CLEC17A: variants seen among roughly 807,000 people sequenced by gnomAD.
The protein encoded by CLEC17A is C-type lectin domain containing 17A, also known as C-type lectin domain family 17, member A.
Under a neutral mutation model 61.3 loss-of-function variants are expected in CLEC17A, and 37 were observed. That is an observed-to-expected ratio of 0.60 (90% CI 0.46 to 0.79). The LOEUF (loss-of-function observed/expected upper bound fraction) is 0.79. Ranked by LOEUF, CLEC17A falls within the 30% of genes least tolerant of loss-of-function variation. The pLI is 0.00. For synonymous variants in CLEC17A, 168 were observed against 164.9 expected (o/e 1.02, Z -0.14); for missense variants, 418 against 464.7 (o/e 0.90, Z 0.92).
chr19:14,582,274 G>A (rs2074191240), upstream of CLEC17A, among the ~76,000 whole-genome samples: 1 of 149,284 alleles, frequency 6.7e-6, no homozygotes, highest in African/African-American at 2.5e-5. Flanking sequence ...GTGCAGTGGT[G>A]CGATCTCGGC....
In CLEC17A at chr19:14,583,345, T is replaced by C. The variant is rs1214501089; in HGVS notation, c.44-12T>C. On this transcript the variant is annotated splice_polypyrimidine_tract_variant and intron_variant, in intron 1 of 13. Coordinates refer to ENST00000417570, the MANE Select transcript of CLEC17A (RefSeq NM_001204118.2). ...GGAATGGCTGGGCTCTGACTTGCCT[T>C]TCCCCTGGAAGGGACCATGGAGGAG... is the stretch of plus-strand genomic sequence containing the variant. 4.4e-6 allele frequency: 7 copies of C among 1,608,562 alleles called. No individual in the cohort carries two copies. The highest frequency in any genetic ancestry group is 5.9e-6 in the Non-Finnish European group (7 of 1,177,682).
intron 3 of CLEC17A, among the ~76,000 whole-genome samples, chr19:14,591,898 A>ATGTATGTGTGTGTGTG (rs2074427513): frequency 7.2e-6 from 1 of 138,948 alleles, no homozygotes; most frequent in Admixed American, 7.1e-5. Flanking sequence ...CCGGAGAAAA[A>ATGTATGTGTGTGTGTG]TGTGTGTGTG....
At chr19:14,589,481 C>A (rs1041076319) in intron 3 of CLEC17A, among the ~76,000 whole-genome samples, 1 of 143,858 alleles carries the variant, frequency 7.0e-6, no homozygotes, top group Non-Finnish European at 1.5e-5. Flanking sequence ...CCCAGGCTGC[C>A]CTGAAGTGGT....
rs1442652538 is a variant in CLEC17A, at chr19:14,596,949, G to C, written c.519G>C (p.Leu173=). The C allele has an allele frequency of 6.2e-7, 1 of 1,608,302 alleles. No homozygotes were observed. Among genetic ancestry groups the C allele is most frequent in the African/African-American group, 1.3e-5 (1 of 74,910 alleles). The part of the protein sequence containing the change: ...GCCQKRWMVY[L]CLLVVTSLFL... ...GCCAGAAGAGGTGGATGGTGTACCTGTGTCTGCTGGTGGTGACTTCCCTGT... is the reference window on the plus strand; with the variant it reads ...GCCAGAAGAGGTGGATGGTGTACCTCTGTCTGCTGGTGGTGACTTCCCTGT... The change falls in exon 9 of 14, where the codon CTG becomes CTC. Residue 173 remains leucine (L), a synonymous_variant. Transcript: ENST00000417570.
chr19:14,584,649 G>A (rs891551418), intron 2 of CLEC17A, among the ~76,000 whole-genome samples: 1 of 151,962 alleles, frequency 6.6e-6, no homozygotes, highest in African/African-American at 2.4e-5. Flanking sequence ...GAGGTAGGAG[G>A]TGACCTGTGC....
chr19:14,590,162 G>A (rs956349978), intron 3 of CLEC17A, among the ~76,000 whole-genome samples: 5 of 147,052 alleles, frequency 3.4e-5, no homozygotes, highest in Admixed American at 6.9e-5. Flanking sequence ...TGCAGCCATA[G>A]ATAACTGACC....
At chr19:14,605,848 C>T (rs992954724) in intron 12 of CLEC17A, among the ~76,000 whole-genome samples, 1 of 152,100 alleles carries the variant, frequency 6.6e-6, no homozygotes, top group Non-Finnish European at 1.5e-5. Context: ...AAGGGATCCT[C>T]CCACCTCAGC....
chr19:14,609,794 C>T (rs1450680109), intron 13 of CLEC17A, among the ~76,000 whole-genome samples: 10 of 151,638 alleles, frequency 6.6e-5, no homozygotes, highest in East Asian at 1.9e-4. Context: ...GCCGAGATCA[C>T]GCCACTGCAC....
At chr19:14,605,070 C>T (rs944051245) in intron 12 of CLEC17A, among the ~76,000 whole-genome samples, 1 of 151,966 alleles carries the variant, frequency 6.6e-6, no homozygotes, top group African/African-American at 2.4e-5. Context: ...TGGTGGCTCA[C>T]GCCTGTAATC....
intron 3 of CLEC17A, among the ~76,000 whole-genome samples, chr19:14,589,734 T>A (rs980582721): frequency 6.6e-6 from 1 of 151,952 alleles, no homozygotes; most frequent in Admixed American, 6.6e-5. Flanking sequence ...CGTGCCCTTG[T>A]GTAGTCTCTT....
At chr19:14,597,262 C>A in intron 10 of CLEC17A, 101 bp downstream of exon 10, 3 of 1,077,776 alleles carry the variant, frequency 2.8e-6, no homozygotes, top group Non-Finnish European at 4.2e-6. Flanking sequence ...CTTTGCTGGG[C>A]ACTGTGCTAG....
At chr19:14,594,209 G>A (rs756892328) in intron 4 of CLEC17A, among the ~76,000 whole-genome samples, 4 of 151,854 alleles carry the variant, frequency 2.6e-5, no homozygotes, top group Non-Finnish European at 5.9e-5. Context: ...CCCAGGGGGC[G>A]GAGGTTTCAG....
At chr19:14,590,443 C>T (rs1238278152) in intron 3 of CLEC17A, among the ~76,000 whole-genome samples, 1 of 149,168 alleles carries the variant, frequency 6.7e-6, no homozygotes, top group African/African-American at 2.5e-5. Context: ...GGCCGGAGTG[C>T]AATGGTGCAA....
chr19:14,594,133 G>A (rs1436339543), intron 4 of CLEC17A, among the ~76,000 whole-genome samples: 3 of 151,542 alleles, frequency 2.0e-5, no homozygotes, highest in African/African-American at 7.3e-5. Flanking sequence ...AAATATAAAA[G>A]TTAGCTGGGC....
At chr19:14,595,854 A>G (rs377596680) in intron 8 of CLEC17A, among the ~76,000 whole-genome samples, 6 of 142,212 alleles carry the variant, frequency 4.2e-5, no homozygotes. Context: ...GGTGGTGATG[A>G]TGAAGGTAGT....
intron 13 of CLEC17A, among the ~76,000 whole-genome samples, chr19:14,608,501 T>C (rs1349549846): frequency 6.6e-6 from 1 of 152,160 alleles, no homozygotes; most frequent in African/African-American, 2.4e-5. Flanking sequence ...ACAGGCTGTC[T>C]GGACCCTGAA....
rs111492437 is a variant in CLEC17A at position 14,583,850 on chromosome 19, A to AC, written c.121+419dup. ...GGGCTCCCAGTCTCCTCACCTTTCT[A>AC]CCCAAAGCCCAGGTTTTATTTAGAC... is the stretch of plus-strand genomic sequence containing the variant. On this transcript the variant is annotated intron_variant, in intron 2 of 13. Transcript: ENST00000417570. 3.2e-3 allele frequency among the ~76,000 whole-genome samples: 493 copies of AC among 152,104 alleles called. 2 individuals are homozygous for AC. The highest frequency in any genetic ancestry group is 0.011 in the African/African-American group (454 of 41,482).
intron 13 of CLEC17A, 48 bp downstream of exon 13, chr19:14,607,150 T>G: frequency 5.4e-4 from 400 of 742,374 alleles, no homozygotes; most frequent in Non-Finnish European, 6.9e-4. Context: ...CTGTGGGCCC[T>G]GACCATGGGG....
intron 12 of CLEC17A, among the ~76,000 whole-genome samples, chr19:14,601,716 T>C (rs893311830): frequency 2.6e-5 from 4 of 152,172 alleles, no homozygotes; most frequent in South Asian, 4.1e-4. Context: ...AGTCCTAGGC[T>C]CAAGCAATTC....
Sources: gnomAD v4.1 joint callset for allele counts (sites outside exome capture counted in the v4.1 genomes callset) on GRCh38, gnomAD v4.1.1 for gene constraint, MANE v1.5 for transcripts, NCBI Gene and HGNC (gene_info 2026-07-23, HGNC 2026-07-21) for gene names.